Variants in SLC39A11 observed in about 807,000 individuals in gnomAD.
SLC39A11 encodes the protein zinc transporter ZIP11.
A neutral mutation model predicts 36.1 loss-of-function variants in SLC39A11; 33 were observed. The ratio of observed to expected loss-of-function variants is 0.91; its 90% CI spans 0.69 to 1.22. The LOEUF is 1.22. Among genes scored for constraint, SLC39A11 ranks in the 50% most tolerant of loss-of-function variants. The probability of loss-of-function intolerance (pLI) is 0.00; values close to 1 mark genes in which losing one functional copy is unlikely to be tolerated. For missense variants in SLC39A11, 432 were observed against 430.3 expected, an observed-to-expected ratio of 1.00 and a Z score of -0.03; for synonymous variants, 166 against 170.3, an observed-to-expected ratio of 0.97 and a Z score of 0.20.
chr17:72,665,389 G>GTTTTTTGTTTTTTTTT (rs2070688651), intron 7 of SLC39A11, among the ~76,000 whole-genome samples: 1 of 76,636 alleles, frequency 1.3e-5, no homozygotes, highest in Non-Finnish European at 2.4e-5. Context: ...GTTTTGAGGT[G>GTTTTTTGTTTTTTTTT]TTTTTTTTTT....
rs543645942 is a variant in SLC39A11, at chr17:73,019,600, A to G, written c.306+11956T>C. Among the ~76,000 whole-genome samples the G allele has an allele frequency of 3.3e-5, 5 of 152,320 alleles. No homozygotes were observed. In the South Asian group the frequency reaches 6.2e-4, roughly 19 times the overall value. On this transcript the variant is annotated intron_variant, in intron 4 of 9. Transcript: ENST00000255559. ...AACTGTAATCCCTACAGCAACCTGC[A>G]AACATAACACAAAGAGATACATTTT...
chr17:72,845,110 G>T (rs762868515), intron 6 of SLC39A11, among the ~76,000 whole-genome samples: 2 of 152,142 alleles, frequency 1.3e-5, no homozygotes, highest in Non-Finnish European at 2.9e-5. Context: ...CTCTACATAG[G>T]CCTCCCTGCT....
chr17:72,918,862 A>C (rs1396849293), intron 5 of SLC39A11, among the ~76,000 whole-genome samples: 1 of 152,096 alleles, frequency 6.6e-6, no homozygotes, highest in African/African-American at 2.4e-5. Flanking sequence ...CAGGAGTTTG[A>C]GATCAGCCTG....
chr17:73,009,425 A>C (rs1568117329), intron 4 of SLC39A11, among the ~76,000 whole-genome samples: 1 of 152,122 alleles, frequency 6.6e-6, no homozygotes, highest in Non-Finnish European at 1.5e-5. Flanking sequence ...CCTTGAAAAC[A>C]CAATGCTAAA....
intron 4 of SLC39A11, among the ~76,000 whole-genome samples, chr17:72,976,601 A>C (rs1350167989): frequency 6.6e-6 from 1 of 152,256 alleles, no homozygotes; most frequent in Non-Finnish European, 1.5e-5. Context: ...CTGTAATCCC[A>C]ACACTTTGGG....
At chr17:72,878,933 C>A (rs916318451) in intron 5 of SLC39A11, among the ~76,000 whole-genome samples, 1 of 152,244 alleles carries the variant, frequency 6.6e-6, no homozygotes, top group African/African-American at 2.4e-5. Flanking sequence ...TTGGGGTTCA[C>A]ACTAGACCTT....
At chr17:72,694,881 C>T (rs539925024) in intron 7 of SLC39A11, among the ~76,000 whole-genome samples, 4 of 152,316 alleles carry the variant, frequency 2.6e-5, no homozygotes, top group Admixed American at 6.5e-5. Flanking sequence ...ACATCCATTA[C>T]GATATTTCCT....
At chr17:73,004,951 C>T (rs1031214203) in intron 4 of SLC39A11, among the ~76,000 whole-genome samples, 2 of 152,180 alleles carry the variant, frequency 1.3e-5, no homozygotes, top group Non-Finnish European at 1.5e-5. Context: ...ATAAGCACAC[C>T]GACCTAACCC....
At chr17:73,074,597 A>G (rs1209800728) in intron 3 of SLC39A11, among the ~76,000 whole-genome samples, 1 of 152,062 alleles carries the variant, frequency 6.6e-6, no homozygotes, top group Middle Eastern at 3.2e-3. Flanking sequence ...GTACCCAGCC[A>G]TGCTACAATT....
intron 4 of SLC39A11, among the ~76,000 whole-genome samples, chr17:73,030,737 G>T (rs776197577): frequency 1.3e-5 from 2 of 152,130 alleles, no homozygotes; most frequent in African/African-American, 2.4e-5. Context: ...TATGATCTTG[G>T]ACCCCTTTCC....
chr17:73,029,113 G>A (rs572857030), intron 4 of SLC39A11, among the ~76,000 whole-genome samples: 9 of 54,058 alleles, frequency 1.7e-4, no homozygotes, highest in South Asian at 9.6e-4. Flanking sequence ...GTGAGACGCC[G>A]TCACACACAC....
chr17:72,994,389 A>G (rs1453252866), intron 4 of SLC39A11, among the ~76,000 whole-genome samples: 5 of 152,166 alleles, frequency 3.3e-5, no homozygotes, highest in African/African-American at 1.2e-4. Flanking sequence ...TTAGGGATGT[A>G]CATATAAGGG....
chr17:72,849,491 A>G (rs2079198155), intron 6 of SLC39A11, 143 bp downstream of exon 6: 1 of 772,732 alleles, frequency 1.3e-6, no homozygotes, highest in Non-Finnish European at 1.9e-6. Context: ...TAAAGCCAAG[A>G]AAGATTTGTA....
At chr17:72,670,508 TA>T (rs1302709199) in intron 7 of SLC39A11, among the ~76,000 whole-genome samples, 2 of 152,262 alleles carry the variant, frequency 1.3e-5, no homozygotes, top group African/African-American at 2.4e-5. Context: ...CCCTTCCTTC[TA>T]CATTTATTAA....
At chr17:73,071,598 G>A (rs527495008) in intron 3 of SLC39A11, among the ~76,000 whole-genome samples, 101 of 152,304 alleles carry the variant, frequency 6.6e-4, no homozygotes, top group South Asian at 2.9e-3. Context: ...GCAGTCCACT[G>A]TCACCAGACC....
At chr17:72,813,033 A>G (rs563970991) in intron 6 of SLC39A11, among the ~76,000 whole-genome samples, 1 of 152,324 alleles carries the variant, frequency 6.6e-6, no homozygotes, top group Non-Finnish European at 1.5e-5. Context: ...TGAATGACAC[A>G]GGGGCAGAAA....
chr17:72,968,194 C>T (rs751314545), intron 4 of SLC39A11, among the ~76,000 whole-genome samples: 37 of 152,182 alleles, frequency 2.4e-4, no homozygotes, highest in Middle Eastern at 6.8e-3. Context: ...ATGAGCTAAG[C>T]GGGAAAGCAG....
chr17:72,982,281 T>A (rs539114599), intron 4 of SLC39A11, among the ~76,000 whole-genome samples: 39 of 152,280 alleles, frequency 2.6e-4, no homozygotes, highest in African/African-American at 7.9e-4. Flanking sequence ...AAGGGAAAAT[T>A]CACAAATATC....
In SLC39A11 at chr17:72,895,937, G is replaced by A. The variant is rs116435316; in HGVS notation, c.431-46133C>T. Among the ~76,000 whole-genome samples, 1,361 of 151,876 alleles carry A rather than the reference G, an allele frequency of 9.0e-3. 16 individuals are homozygous for A. The highest frequency in any genetic ancestry group is 0.031 in the African/African-American group (1,282 of 41,450). On this transcript the variant is annotated intron_variant, in intron 5 of 9. Transcript: ENST00000255559. ...AATGGCCAATTTTGAAAGAATTAGCGCTTAATAAAGTGCACATAATCCCAA... is the reference window on the plus strand; with the variant it reads ...AATGGCCAATTTTGAAAGAATTAGCACTTAATAAAGTGCACATAATCCCAA...
Sources: gnomAD v4.1 joint callset for allele counts (sites outside exome capture counted in the v4.1 genomes callset) on GRCh38, gnomAD v4.1.1 for gene constraint, MANE v1.5 for transcripts, NCBI Gene and HGNC (gene_info 2026-07-23, HGNC 2026-07-21) for gene names.